SLC15A5: variants seen among roughly 807,000 people sequenced by gnomAD.
The protein encoded by SLC15A5 is solute carrier family 15 member 5.
In SLC15A5, 58 loss-of-function variants were observed where a neutral mutation model predicts 56.1. The observed-to-expected ratio is 1.03, with a 90% CI of 0.84 to 1.29. The LOEUF is 1.29. SLC15A5 is among the 50% of genes most tolerant of loss of function. SLC15A5 has a pLI of 0.00. For missense variants in SLC15A5, 681 were observed against 672.1 expected (o/e 1.01, Z -0.15); for synonymous variants, 264 against 250.5 (o/e 1.05, Z -0.51).
In SLC15A5 at chr12:16,212,613, T is replaced by G. The variant is rs565907273; in HGVS notation, c.1483+4280A>C. ...AGTAATTAGGTGAATTGGGAACTGA[T>G]TATATCCAAAAGGAGAGGATTAATG... On this transcript the variant is annotated intron_variant, in intron 7 of 8. Transcript: ENST00000344941. Among the ~76,000 whole-genome samples, 4 of 152,278 alleles carry G rather than the reference T, an allele frequency of 2.6e-5. No individual in the cohort carries two copies. The South Asian group carries it at 8.3e-4, about 32-fold the overall frequency.
At chr12:16,272,499 TC>T in intron 2 of SLC15A5, 61 bp downstream of exon 2, 1 of 1,458,226 alleles carries the variant, frequency 6.9e-7, no homozygotes, top group Non-Finnish European at 9.3e-7. Flanking sequence ...CCAAATGGAA[TC>T]AGAAAGTAAA....
chr12:16,266,904 A>T (rs1450835960), intron 2 of SLC15A5, among the ~76,000 whole-genome samples: 5 of 152,308 alleles, frequency 3.3e-5, no homozygotes, highest in South Asian at 4.1e-4. Context: ...ATAAGTGGTA[A>T]TTTTTTTGTC....
At chr12:16,272,508 A>C in intron 2 of SLC15A5, 53 bp downstream of exon 2, 1 of 1,486,884 alleles carries the variant, frequency 6.7e-7, no homozygotes, top group Non-Finnish European at 9.1e-7. Context: ...ATCAGAAAGT[A>C]AACAGTGAGA....
intron 4 of SLC15A5, 37 bp from the exon 5 acceptor site, chr12:16,239,904 G>A: frequency 6.6e-7 from 1 of 1,509,198 alleles, no homozygotes; most frequent in Non-Finnish European, 8.9e-7. Flanking sequence ...CATTAAGACA[G>A]GGGTTTAACT....
intron 3 of SLC15A5, among the ~76,000 whole-genome samples, chr12:16,246,499 G>A (rs1864462374): frequency 6.6e-6 from 1 of 152,092 alleles, no homozygotes; most frequent in African/African-American, 2.4e-5. Flanking sequence ...TTACAATCTT[G>A]TCTCTATTAC....
chr12:16,223,714 A>T (rs1236306174), intron 6 of SLC15A5, among the ~76,000 whole-genome samples: 1 of 127,660 alleles, frequency 7.8e-6, no homozygotes, highest in African/African-American at 2.7e-5. Context: ...GGAGGAGTAT[A>T]AATGAGCTTT....
chr12:16,242,838 T>C (rs964967378), intron 4 of SLC15A5, among the ~76,000 whole-genome samples: 9 of 152,192 alleles, frequency 5.9e-5, no homozygotes, highest in African/African-American at 1.9e-4. Flanking sequence ...CTATGGGCCA[T>C]GTAGTAATTT....
rs148870483 is a variant in SLC15A5 at position 16,265,064 on chromosome 12, G to A, written c.585-7194C>T. ...TTTGGGTTTTATTTTCAGTGCATTG[G>A]GAAGTCATTTGAAGGGAATTGAGCA... On this transcript the variant is annotated intron_variant, in intron 2 of 8. Transcript: ENST00000344941. Among the ~76,000 whole-genome samples the A allele has an allele frequency of 5.2e-4, 79 of 152,274 alleles. 1 individual carries two copies. The East Asian group carries it at 0.011, about 22-fold the overall frequency.
At chr12:16,197,719 C>T (rs909069412) in intron 7 of SLC15A5, among the ~76,000 whole-genome samples, 1 of 150,592 alleles carries the variant, frequency 6.6e-6, no homozygotes, top group African/African-American at 2.4e-5. Context: ...TTGGGTCTGT[C>T]TCCTATAAGA....
intron 1 of SLC15A5, among the ~76,000 whole-genome samples, chr12:16,273,991 AAATT>A (rs1482228749): frequency 1.3e-5 from 2 of 150,788 alleles, no homozygotes; most frequent in African/African-American, 4.8e-5. Context: ...TTACTTAAAT[AAATT>A]GAGGTTACAC....
chr12:16,244,558 A>G (rs1864443234), intron 4 of SLC15A5, 22 bp downstream of exon 4: 1 of 1,525,084 alleles, frequency 6.6e-7, no homozygotes, highest in Admixed American at 2.0e-5. Context: ...TTGTTGGGGT[A>G]GTACTCATCG....
Position 16,215,668 on chromosome 12 carries a change from C to A in SLC15A5, c.1483+1225G>T, listed in dbSNP as rs150043400. On this transcript the variant is annotated intron_variant, in intron 7 of 8. Transcript: ENST00000344941. ...GAACTGGATCATATCTCACACAATT[C>A]CAGGTAGCACACGGCCTGGTACACA... 4.6e-5 allele frequency among the ~76,000 whole-genome samples: 7 copies of A among 152,280 alleles called. No homozygotes were observed. In the East Asian group the frequency reaches 1.4e-3, roughly 29 times the overall value.
chr12:16,199,912 T>A (rs1309125072), intron 7 of SLC15A5, among the ~76,000 whole-genome samples: 1 of 152,004 alleles, frequency 6.6e-6, no homozygotes, highest in East Asian at 1.9e-4. Flanking sequence ...AATCACTCTA[T>A]CTAGTCAGAG....
At chr12:16,227,138 A>T (rs1473852176) in intron 5 of SLC15A5, among the ~76,000 whole-genome samples, 1 of 152,158 alleles carries the variant, frequency 6.6e-6, no homozygotes, top group East Asian at 1.9e-4. Flanking sequence ...CTCAGTTTAA[A>T]AATTTGAGGA....
chr12:16,250,713 G>A (rs938000736), intron 3 of SLC15A5, among the ~76,000 whole-genome samples: 1 of 151,872 alleles, frequency 6.6e-6, no homozygotes, highest in African/African-American at 2.4e-5. Flanking sequence ...ATTCTTAAAA[G>A]ATATTCTAAC....
intron 6 of SLC15A5, among the ~76,000 whole-genome samples, chr12:16,222,385 C>T (rs988114641): frequency 6.6e-6 from 1 of 152,056 alleles, no homozygotes; most frequent in African/African-American, 2.4e-5. Context: ...TTTGAAATAC[C>T]CTTTCATATG....
At chr12:16,204,631 C>T (rs979415780) in intron 7 of SLC15A5, among the ~76,000 whole-genome samples, 4 of 151,702 alleles carry the variant, frequency 2.6e-5, no homozygotes, top group African/African-American at 9.7e-5. Context: ...AAAGAGGCAG[C>T]TGAAAGGAAC....
At chr12:16,240,417 G>C (rs1229752465) in intron 4 of SLC15A5, among the ~76,000 whole-genome samples, 4 of 152,010 alleles carry the variant, frequency 2.6e-5, no homozygotes, top group Admixed American at 2.0e-4. Flanking sequence ...ATTTAGAGAG[G>C]CTTTGTTTCC....
At chr12:16,206,999 A>G (rs1864026008) in intron 7 of SLC15A5, among the ~76,000 whole-genome samples, 1 of 152,212 alleles carries the variant, frequency 6.6e-6, no homozygotes, top group Non-Finnish European at 1.5e-5. Flanking sequence ...CATGGAAATG[A>G]GTTTTAGAAG....
Sources: allele counts gnomAD v4.1 joint callset (sites outside exome capture counted in the v4.1 genomes callset), GRCh38; gene constraint gnomAD v4.1.1; transcripts MANE v1.5; gene names NCBI Gene and HGNC (gene_info 2026-07-23, HGNC 2026-07-21).